Variants in ARHGEF12 observed in about 807,000 individuals in gnomAD.
The protein encoded by ARHGEF12 is KMT2A/ARHGEF12 fusion protein.
In ARHGEF12, 66 loss-of-function variants were observed where a neutral mutation model predicts 211.2. The ratio of observed to expected loss-of-function variants is 0.31; its 90% CI spans 0.26 to 0.38. The LOEUF (loss-of-function observed/expected upper bound fraction) is 0.38, where lower values mean the gene tolerates loss of function less well. ARHGEF12 is among the 10% of genes least tolerant of loss of function. The probability of loss-of-function intolerance (pLI) is 1.00; values close to 1 mark genes in which losing one functional copy is unlikely to be tolerated. For missense variants in ARHGEF12, 1,429 were observed against 1,869.5 expected (o/e 0.76, Z 4.34); for synonymous variants, 592 against 638.4 (o/e 0.93, Z 1.09).
At chr11:120,406,318 G>T (rs1944702017) in intron 2 of ARHGEF12, among the ~76,000 whole-genome samples, 177 bp downstream of exon 2, 1 of 152,058 alleles carries the variant, frequency 6.6e-6, no homozygotes, top group Non-Finnish European at 1.5e-5. Flanking sequence ...CTGGAAGACA[G>T]CATTGTTTTG....
intron 1 of ARHGEF12, among the ~76,000 whole-genome samples, chr11:120,369,424 C>T (rs990807409): frequency 2.0e-5 from 3 of 152,128 alleles, no homozygotes; most frequent in Non-Finnish European, 2.9e-5. Context: ...CCATCCCACT[C>T]GGCCAGATCT....
At chr11:120,361,223 C>T (rs538101301) in intron 1 of ARHGEF12, among the ~76,000 whole-genome samples, 32 of 152,272 alleles carry the variant, frequency 2.1e-4, no homozygotes, top group African/African-American at 5.1e-4. Flanking sequence ...GCTGCCAGGG[C>T]GAAAGAGCAT....
chr11:120,395,872 A>G lies in ARHGEF12; in HGVS notation c.33-10246A>G, dbSNP rs77024795. Among the ~76,000 whole-genome samples the G allele has an allele frequency of 8.9e-3, 1,350 of 152,240 alleles. 91 individuals are homozygous for G. The South Asian group carries it at 0.16, about 18-fold the overall frequency. ...GGTGGGGACACAGCCAAACCATATC[A>G]TGTGTATGTATACCCCAGTTAGTAT... On this transcript the variant is annotated intron_variant, in intron 1 of 40. Transcript: ENST00000397843.
chr11:120,477,898 A>G (rs1429337258), intron 36 of ARHGEF12, among the ~76,000 whole-genome samples: 4 of 151,356 alleles, frequency 2.6e-5, no homozygotes, highest in African/African-American at 7.3e-5. Flanking sequence ...AAAAGAAAAT[A>G]AAATAAAATG....
At chr11:120,401,071 G>A (rs1944536509) in intron 1 of ARHGEF12, among the ~76,000 whole-genome samples, 1 of 152,132 alleles carries the variant, frequency 6.6e-6, no homozygotes, top group South Asian at 2.1e-4. Context: ...TTTAATGCCA[G>A]CTCTCCTAGC....
At chr11:120,479,034 G>A (rs1217616745) in intron 37 of ARHGEF12, among the ~76,000 whole-genome samples, 1 of 152,138 alleles carries the variant, frequency 6.6e-6, no homozygotes, top group Non-Finnish European at 1.5e-5. Flanking sequence ...TCTTTCTTTT[G>A]ATTTGGTAGA....
chr11:120,433,295 A>G (rs1361485557), intron 11 of ARHGEF12, among the ~76,000 whole-genome samples: 2 of 152,228 alleles, frequency 1.3e-5, no homozygotes, highest in African/African-American at 2.4e-5. Flanking sequence ...TGAGAATTTT[A>G]GGGCAACCTG....
intron 1 of ARHGEF12, among the ~76,000 whole-genome samples, chr11:120,344,574 GA>G (rs1268374884): frequency 6.6e-6 from 1 of 152,202 alleles, no homozygotes; most frequent in Non-Finnish European, 1.5e-5. Context: ...TCTTTTCAGA[GA>G]TTGTTGGTGG....
At chr11:120,464,108 C>G (rs1169437300) in intron 27 of ARHGEF12, 2 of 152,222 alleles carry the variant, frequency 1.3e-5, no homozygotes, top group Non-Finnish European at 2.9e-5. Flanking sequence ...AAGCCAGCTC[C>G]AGCTGCTGCA....
intron 12 of ARHGEF12, 132 bp downstream of exon 12, chr11:120,437,514 A>G: frequency 1.9e-6 from 1 of 531,438 alleles, no homozygotes; most frequent in Non-Finnish European, 3.0e-6. Flanking sequence ...TTTATTAAAG[A>G]AACTTAATAA....
chr11:120,478,118 GT>G (rs1565514211), intron 36 of ARHGEF12, 37 bp from the exon 37 acceptor site: 5 of 1,352,704 alleles, frequency 3.7e-6, no homozygotes, highest in South Asian at 1.3e-5. Flanking sequence ...TAAAAGCTTT[GT>G]TTAGATATAG....
chr11:120,352,623 C>T (rs1457095383), intron 1 of ARHGEF12, among the ~76,000 whole-genome samples: 2 of 151,398 alleles, frequency 1.3e-5, no homozygotes, highest in African/African-American at 2.4e-5. Flanking sequence ...TTTTTCTTTT[C>T]GCCGTGTGGG....
intron 4 of ARHGEF12, chr11:120,411,501 T>C (rs1354789964): frequency 3.3e-5 from 5 of 151,872 alleles, no homozygotes; most frequent in African/African-American, 1.2e-4. Flanking sequence ...ATACATTGCT[T>C]TCTCGGGGTA....
intron 4 of ARHGEF12, among the ~76,000 whole-genome samples, chr11:120,418,707 A>T (rs1945099148): frequency 6.6e-6 from 1 of 152,188 alleles, no homozygotes. Flanking sequence ...ACTGTTTATG[A>T]TTAGCCAGAC....
intron 4 of ARHGEF12, among the ~76,000 whole-genome samples, chr11:120,414,347 G>A (rs1342523885): frequency 6.6e-6 from 1 of 152,160 alleles, no homozygotes; most frequent in East Asian, 1.9e-4. Flanking sequence ...AGGTTAATTA[G>A]CGTTCTTATA....
intron 1 of ARHGEF12, among the ~76,000 whole-genome samples, chr11:120,359,866 A>G (rs1366129684): frequency 6.6e-6 from 1 of 152,236 alleles, no homozygotes; most frequent in Non-Finnish European, 1.5e-5. Flanking sequence ...AGTTGAAAGT[A>G]GAATGTAATT....
intron 1 of ARHGEF12, among the ~76,000 whole-genome samples, chr11:120,375,444 CTG>C (rs1363417327): frequency 6.6e-6 from 1 of 151,896 alleles, no homozygotes; most frequent in Non-Finnish European, 1.5e-5. Context: ...TCTACCAACA[CTG>C]TAATGATATT....
chr11:120,337,574 AGAG>A (rs1200564133), intron 1 of ARHGEF12: 2 of 985,306 alleles, frequency 2.0e-6, no homozygotes, highest in South Asian at 4.7e-5. Context: ...TCTGGAAATC[AGAG>A]GAGAAGGTCA....
Position 120,412,014 on chromosome 11 carries a change from G to A in ARHGEF12, c.199+2564G>A, listed in dbSNP as rs1370329010. Among the ~76,000 whole-genome samples, 12 of 152,216 alleles carry A rather than the reference G, an allele frequency of 7.9e-5. No individual in the cohort carries two copies. The East Asian group carries it at 2.3e-3, about 29-fold the overall frequency. ...TGTGCATCTTAAAAGGAAACCAAGT[G>A]TTTGCTTTGTATTGACTTTTTTTGT... On this transcript the variant is annotated intron_variant, in intron 4 of 40. Transcript: ENST00000397843.
Sources: gnomAD v4.1 joint callset for allele counts (sites outside exome capture counted in the v4.1 genomes callset) on GRCh38, gnomAD v4.1.1 for gene constraint, MANE v1.5 for transcripts, NCBI Gene and HGNC (gene_info 2026-07-23, HGNC 2026-07-21) for gene names.